Variants in FZD6 observed in about 807,000 individuals in gnomAD.
The protein encoded by FZD6 is frizzled-6.
In FZD6, 49 loss-of-function variants were observed where a neutral mutation model predicts 61.4. The observed-to-expected ratio is 0.80, with a 90% CI of 0.63 to 1.01. FZD6 has a LOEUF of 1.01. FZD6 is among the 50% of genes least tolerant of loss of function. The pLI is 0.00. For missense variants in FZD6, 724 were observed against 848.2 expected (o/e 0.85, Z 1.82); for synonymous variants, 265 against 292.2 (o/e 0.91, Z 0.95).
At chr8:103,328,460 G>A (rs1214790169) in intron 5 of FZD6, 44 bp downstream of exon 5, 1 of 1,344,072 alleles carries the variant, frequency 7.4e-7, no homozygotes, top group African/African-American at 1.4e-5. Context: ...TAAATAAATA[G>A]ATCAAAATAC....
At chr8:103,320,794 C>T (rs1016497360) in intron 3 of FZD6, among the ~76,000 whole-genome samples, 4 of 151,884 alleles carry the variant, frequency 2.6e-5, no homozygotes, top group East Asian at 1.9e-4. Flanking sequence ...GCTAAAGAGC[C>T]GAGAAGCCAG....
intron 2 of FZD6, among the ~76,000 whole-genome samples, chr8:103,316,081 A>G (rs2131860): frequency 0.14 from 21,849 of 152,202 alleles, 1,855 homozygotes; most frequent in East Asian, 0.3. Flanking sequence ...GATTAAATGA[A>G]TAGTCAGTGA....
chr8:103,300,887 T>A (rs1248815455), intron 2 of FZD6, among the ~76,000 whole-genome samples: 1 of 152,188 alleles, frequency 6.6e-6, no homozygotes, highest in Non-Finnish European at 1.5e-5. Flanking sequence ...AAGATTGCCT[T>A]AGGTGCCTTA....
At position 103,300,298 on chromosome 8, in the gene FZD6, C is replaced by T; in HGVS notation, c.177+14C>T. 3 of 1,554,312 alleles carry T rather than the reference C, an allele frequency of 1.9e-6. No homozygotes were observed. The highest frequency in any genetic ancestry group is 2.7e-6 in the Non-Finnish European group (3 of 1,125,312). ...GTGGAAATGGAGGTGAGTAGTGCTT[C>T]ATACGTTTATTGAATAGTAGTTTAT... On this transcript the variant is annotated intron_variant, in intron 2 of 6. Coordinates refer to ENST00000358755, the MANE Select transcript of FZD6 (RefSeq NM_003506.4).
At chr8:103,310,382 G>A (rs1335189732) in intron 2 of FZD6, among the ~76,000 whole-genome samples, 1 of 152,102 alleles carries the variant, frequency 6.6e-6, no homozygotes, top group Admixed American at 6.5e-5. Flanking sequence ...TGAACCTCAG[G>A]CCTCAGCCCC....
chr8:103,317,326 A>G (rs1814654455), intron 2 of FZD6, among the ~76,000 whole-genome samples: 1 of 152,268 alleles, frequency 6.6e-6, no homozygotes, highest in South Asian at 2.1e-4. Flanking sequence ...TTAAAGGCTC[A>G]TGGGAATTGG....
chr8:103,329,411 C>CTCT (rs1554623499), intron 5 of FZD6, among the ~76,000 whole-genome samples: 3 of 151,800 alleles, frequency 2.0e-5, no homozygotes, highest in African/African-American at 7.3e-5. Flanking sequence ...TGATTCTTGC[C>CTCT]TTAATTTCTT....
chr8:103,324,478 CA>C lies in FZD6; in HGVS notation c.375-2del. Reference sequence around the variant, plus strand: ...ATATATTTAATTTTTATAATCTTTACAGATTACAATACTGTGATGAGACTGT... The same window carrying C: ...ATATATTTAATTTTTATAATCTTTACGATTACAATACTGTGATGAGACTGT... On this transcript the variant is annotated splice_acceptor_variant, in intron 3 of 6. Coordinates refer to ENST00000358755, the MANE Select transcript of FZD6 (RefSeq NM_003506.4). LOFTEE classifies it high-confidence loss of function. 4 of 1,498,450 alleles carry C rather than the reference CA, an allele frequency of 2.7e-6. No individual in the cohort carries two copies. The highest frequency in any genetic ancestry group is 3.7e-6 in the Non-Finnish European group (4 of 1,082,988). 92.8% of individuals were successfully genotyped at this position (1,498,450 alleles called of 1,614,324 possible).
At chr8:103,317,035 A>T (rs1270138001) in intron 2 of FZD6, among the ~76,000 whole-genome samples, 1 of 152,252 alleles carries the variant, frequency 6.6e-6, no homozygotes, top group African/African-American at 2.4e-5. Flanking sequence ...ATAAGGATTT[A>T]AGAGAAATGC....
At chr8:103,318,374 T>C (rs1814688928) in intron 2 of FZD6, among the ~76,000 whole-genome samples, 1 of 152,162 alleles carries the variant, frequency 6.6e-6, no homozygotes, top group Admixed American at 6.5e-5. Context: ...TGGCAAGTGA[T>C]TTCACTGGAA....
rs770841418 is a variant in FZD6, at chr8:103,325,102, G to C, written c.996G>C (p.Trp332Cys). The C allele has an allele frequency of 2.5e-6, 4 of 1,614,060 alleles. No homozygotes were observed. Among genetic ancestry groups the C allele is most frequent in the Non-Finnish European group, 3.4e-6 (4 of 1,180,034 alleles). Reference protein sequence around the residue: ...QKAVWFHAVAWGTPGFLTVML... With the variant: ...QKAVWFHAVACGTPGFLTVML... ...CAGTGTGGTTTCATGCTGTTGCATGGGGAACACCAGGTTTCCTGACTGTTA... is the reference window on the plus strand; with the variant it reads ...CAGTGTGGTTTCATGCTGTTGCATGCGGAACACCAGGTTTCCTGACTGTTA... Residue 332 changes from tryptophan (W) to cysteine (C), a missense_variant, in exon 4 of 7, where the codon TGG (tryptophan) becomes TGC (cysteine). Coordinates refer to ENST00000358755, the MANE Select transcript of FZD6 (RefSeq NM_003506.4).
chr8:103,315,654 C>T (rs573129881), intron 2 of FZD6, among the ~76,000 whole-genome samples: 30 of 152,256 alleles, frequency 2.0e-4, no homozygotes, highest in Admixed American at 2.0e-3. Flanking sequence ...ACAAGGGAGC[C>T]AGAGGAAACT....
At chr8:103,323,578 C>G (rs1814855370) in intron 3 of FZD6, among the ~76,000 whole-genome samples, 1 of 151,944 alleles carries the variant, frequency 6.6e-6, no homozygotes, top group South Asian at 2.1e-4. Context: ...TTACAGGCAC[C>G]TGTCACCACG....
At chr8:103,302,566 T>C (rs1224388629) in intron 2 of FZD6, among the ~76,000 whole-genome samples, 1 of 152,196 alleles carries the variant, frequency 6.6e-6, no homozygotes, top group Non-Finnish European at 1.5e-5. Flanking sequence ...GATAGTCTTC[T>C]CTGTCTACAT....
intron 2 of FZD6, among the ~76,000 whole-genome samples, chr8:103,306,757 G>A (rs990941761): frequency 4.6e-5 from 7 of 151,646 alleles, no homozygotes; most frequent in East Asian, 1.9e-4. Flanking sequence ...CACCCACCTC[G>A]GCCTCCCAAA....
chr8:103,329,013 T>TTTTTTTTATATATATA (rs143400765), intron 5 of FZD6, among the ~76,000 whole-genome samples: 2 of 115,178 alleles, frequency 1.7e-5, no homozygotes, highest in African/African-American at 5.9e-5. Flanking sequence ...CATTTTAGTT[T>TTTTTTTTATATATATA]TATATATATA....
chr8:103,322,918 A>T (rs1485208583), intron 3 of FZD6, among the ~76,000 whole-genome samples: 2 of 152,234 alleles, frequency 1.3e-5, no homozygotes, highest in Non-Finnish European at 2.9e-5. Context: ...GAAAAAATCT[A>T]AAAGTCCATC....
chr8:103,299,959 T>C lies in FZD6; in HGVS notation c.-149T>C. 4 of 634,726 alleles carry C rather than the reference T, an allele frequency of 6.3e-6. No individual in the cohort carries two copies. The highest frequency in any genetic ancestry group is 1.8e-5 in the South Asian group (1 of 56,056). 39.3% of individuals were successfully genotyped at this position (634,726 alleles called of 1,614,324 possible). On this transcript the variant is annotated 5_prime_UTR_variant, in exon 2 of 7. Coordinates refer to ENST00000358755, the MANE Select transcript of FZD6 (RefSeq NM_003506.4). ...CACCCTCCTTTTGTTTTTACAGTAATTGACCCAGGACTCATTTTCAGGAAA... is the reference window on the plus strand; with the variant it reads ...CACCCTCCTTTTGTTTTTACAGTAACTGACCCAGGACTCATTTTCAGGAAA...
In FZD6 at chr8:103,299,427, A is replaced by C. The variant is rs138557689; in HGVS notation, c.-153+432A>C. The stretch of plus-strand genomic sequence containing the variant: ...CACCCTCCTAGCCAGTGAAAACTGC[A>C]ATGTTGCTCCTCCACTGGAGGAATC... On this transcript the variant is annotated intron_variant, in intron 1 of 6. Coordinates refer to ENST00000358755, the MANE Select transcript of FZD6 (RefSeq NM_003506.4). Among the ~76,000 whole-genome samples the C allele has an allele frequency of 1.9e-3, 292 of 152,296 alleles. 1 individual carries two copies. The highest frequency in any genetic ancestry group is 6.7e-3 in the African/African-American group (278 of 41,572).
Sources: allele counts gnomAD v4.1 joint callset (sites outside exome capture counted in the v4.1 genomes callset), GRCh38; gene constraint gnomAD v4.1.1; transcripts MANE v1.5; gene names NCBI Gene and HGNC (gene_info 2026-07-23, HGNC 2026-07-21).